The following PARD3B variants were observed in gnomAD, a reference collection of about 807,000 sequenced individuals.
PARD3B encodes partitioning defective 3 homolog B.
In PARD3B, 103 loss-of-function variants were observed where a neutral mutation model predicts 130.2. That is an observed-to-expected ratio of 0.79 (90% CI 0.67 to 0.93). The LOEUF (loss-of-function observed/expected upper bound fraction) is 0.93, where lower values mean the gene tolerates loss of function less well. Ranked by LOEUF, PARD3B falls within the 40% of genes least tolerant of loss-of-function variation. PARD3B has a pLI of 0.00. For missense variants in PARD3B, 1,609 were observed against 1,499.2 expected, an observed-to-expected ratio of 1.07 and a Z score of -1.21; for synonymous variants, 583 against 553.2, an observed-to-expected ratio of 1.05 and a Z score of -0.76.
At chr2:205,615,330 C>T (rs13387277) in intron 22 of PARD3B, 126 bp from the exon 23 acceptor site, 192,630 of 715,378 alleles carry the variant, frequency 0.27, 27,885 homozygotes, top group African/African-American at 0.42. Flanking sequence ...ATCACTTCTG[C>T]TCCCATCCCA....
At chr2:204,772,646 G>T (rs1559132953) in intron 2 of PARD3B, among the ~76,000 whole-genome samples, 1 of 152,066 alleles carries the variant, frequency 6.6e-6, no homozygotes, top group Non-Finnish European at 1.5e-5. Flanking sequence ...TAGGATTTAG[G>T]ATAAATAATA....
chr2:204,709,398 T>C (rs1299074844), intron 2 of PARD3B, among the ~76,000 whole-genome samples: 1 of 152,262 alleles, frequency 6.6e-6, no homozygotes, highest in Non-Finnish European at 1.5e-5. Context: ...TTCAGGTCAA[T>C]GTATGTGGTT....
In PARD3B at chr2:204,673,753, T is replaced by A. The variant is rs1199754374; in HGVS notation, c.121-12428T>A. 6.6e-6 allele frequency among the ~76,000 whole-genome samples: 1 copy of A among 152,262 alleles called. No homozygotes were observed. The highest frequency in any genetic ancestry group is 1.5e-5 in the Non-Finnish European group (1 of 68,050). ...TTGCTTATCACTTACTAACATATCA[T>A]TAATTCACGTATGTATTTTGTTTGT... On this transcript the variant is annotated intron_variant, in intron 1 of 22. Coordinates refer to ENST00000406610, the MANE Select transcript of PARD3B (RefSeq NM_001302769.2). This position sits in a 1 kb window ranked among gnomAD's most constrained non-coding sequence, Gnocchi z 4.7.
chr2:205,326,011 A>G (rs920811158), intron 18 of PARD3B, among the ~76,000 whole-genome samples: 1 of 152,214 alleles, frequency 6.6e-6, no homozygotes, highest in South Asian at 2.1e-4. Flanking sequence ...AATCTGTGAA[A>G]ACTGCCTAAT....
At chr2:204,857,831 G>C (rs2045014673) in intron 2 of PARD3B, among the ~76,000 whole-genome samples, 1 of 152,138 alleles carries the variant, frequency 6.6e-6, no homozygotes, top group Non-Finnish European at 1.5e-5. Flanking sequence ...TGGCCTTCCT[G>C]CTTCTGAAGT....
chr2:204,819,199 G>A (rs947898326), intron 2 of PARD3B, among the ~76,000 whole-genome samples: 4 of 152,106 alleles, frequency 2.6e-5, no homozygotes, highest in African/African-American at 7.2e-5. Context: ...GAAGGTTTGC[G>A]GCAACCCTGT....
Position 205,042,271 on chromosome 2 carries a change from A to G in PARD3B, c.395-5310A>G, listed in dbSNP as rs557177624. Among the ~76,000 whole-genome samples, 46 of 152,270 alleles carry G rather than the reference A, an allele frequency of 3.0e-4. No individual in the cohort carries two copies. The South Asian group carries it at 9.3e-3, about 31-fold the overall frequency. On this transcript the variant is annotated intron_variant, in intron 3 of 22. Coordinates refer to ENST00000406610, the MANE Select transcript of PARD3B (RefSeq NM_001302769.2). Reference sequence around the variant, plus strand: ...ATAGTGATTACTGGAGAATTAGAAGATGCACCATCATTCATAGACACTTGG... The same window carrying G: ...ATAGTGATTACTGGAGAATTAGAAGGTGCACCATCATTCATAGACACTTGG...
intron 15 of PARD3B, among the ~76,000 whole-genome samples, chr2:205,199,317 C>G (rs971390467): frequency 6.6e-6 from 1 of 152,038 alleles, no homozygotes; most frequent in Non-Finnish European, 1.5e-5. Context: ...TAACTTATCT[C>G]AGGGAGGAAG....
At chr2:204,821,299 C>A (rs1388853085) in intron 2 of PARD3B, among the ~76,000 whole-genome samples, 2 of 151,924 alleles carry the variant, frequency 1.3e-5, no homozygotes, top group Non-Finnish European at 2.9e-5. Flanking sequence ...GGGAACCAAC[C>A]CAAATGTCCA....
intron 1 of PARD3B, among the ~76,000 whole-genome samples, chr2:204,645,051 C>T (rs980046250): frequency 2.0e-5 from 3 of 151,996 alleles, no homozygotes; most frequent in Non-Finnish European, 2.9e-5. Context: ...TCTTTAGATT[C>T]TTAAAAGGGT....
chr2:205,354,609 T>C (rs12468975), intron 18 of PARD3B, among the ~76,000 whole-genome samples: 91,423 of 151,690 alleles, frequency 0.6, 30,743 homozygotes, highest in South Asian at 0.77. Flanking sequence ...TGTGCCACCA[T>C]GAGCAGCCAA....
chr2:204,619,563 G>A (rs1013867923), intron 1 of PARD3B, among the ~76,000 whole-genome samples: 1 of 152,066 alleles, frequency 6.6e-6, no homozygotes, highest in Admixed American at 6.6e-5. Context: ...TTGACTCACT[G>A]GTAAGGAAGA....
intron 1 of PARD3B, among the ~76,000 whole-genome samples, chr2:204,563,558 T>C (rs61084963): frequency 0.023 from 3,551 of 152,216 alleles, 140 homozygotes; most frequent in African/African-American, 0.08. Context: ...GTTACTCTCT[T>C]TATTTCTTAT....
chr2:204,655,415 C>A (rs1422115103), intron 1 of PARD3B, among the ~76,000 whole-genome samples: 1 of 152,058 alleles, frequency 6.6e-6, no homozygotes, highest in Admixed American at 6.6e-5. Context: ...ATATAAGATG[C>A]CCCCATTTGT....
At chr2:205,361,679 A>T (rs1384613609) in intron 18 of PARD3B, among the ~76,000 whole-genome samples, 1 of 152,180 alleles carries the variant, frequency 6.6e-6, no homozygotes, top group Non-Finnish European at 1.5e-5. Context: ...TACTCACTTA[A>T]CTAAGAGGAC....
intron 2 of PARD3B, among the ~76,000 whole-genome samples, chr2:204,953,467 A>AGAGAGAGAGAGAGAGAGAG (rs1689984659): frequency 7.2e-6 from 1 of 138,372 alleles, no homozygotes; most frequent in Non-Finnish European, 1.6e-5. Flanking sequence ...AGAGAGAGAG[A>AGAGAGAGAGAGAGAGAGAG]AGGCTGGAGG....
At chr2:204,889,516 A>T (rs1000594332) in intron 2 of PARD3B, among the ~76,000 whole-genome samples, 30 of 152,300 alleles carry the variant, frequency 2.0e-4, no homozygotes, top group African/African-American at 7.0e-4. Flanking sequence ...AACCAAACAA[A>T]GTAGGGGGTC....
intron 20 of PARD3B, among the ~76,000 whole-genome samples, chr2:205,477,502 C>T (rs1372938740): frequency 1.3e-5 from 2 of 152,086 alleles, no homozygotes; most frequent in Middle Eastern, 6.8e-3. Context: ...AGATTGGAGG[C>T]GTTGGTTTTA....
chr2:205,301,546 G>A lies in PARD3B; in HGVS notation c.2475G>A (p.Glu825=). The part of the protein sequence containing the change: ...ESAPQGNSEL[E]DMENKARKVK... ...CCCCTCAGGGGAATTCGGAGCTAGA[G>A]GACATGGAAAATAAAGCCAGGAAAG... The change falls in exon 18 of 23, where the codon GAG becomes GAA. Residue 825 remains glutamate, a synonymous_variant. Coordinates refer to ENST00000406610, the MANE Select transcript of PARD3B (RefSeq NM_001302769.2). The surrounding 1 kb of genome is among the most constrained non-coding windows in gnomAD (Gnocchi z 5.2). 2 of 1,613,762 alleles carry A rather than the reference G, an allele frequency of 1.2e-6. No individual in the cohort carries two copies. Among genetic ancestry groups the A allele is most frequent in the Non-Finnish European group, 1.7e-6 (2 of 1,179,988 alleles).
Sources: gnomAD v4.1 joint callset for allele counts (sites outside exome capture counted in the v4.1 genomes callset) on GRCh38, gnomAD v4.1.1 for gene constraint, Gnocchi (gnomAD v3.1) non-coding constraint, MANE v1.5 for transcripts, NCBI Gene and HGNC (gene_info 2026-07-23, HGNC 2026-07-21) for gene names.